The following RFTN1 variants were observed in gnomAD, a reference collection of about 807,000 sequenced individuals.
RFTN1 encodes the protein raftlin.
A neutral mutation model predicts 46.5 loss-of-function variants in RFTN1; 26 were observed. The observed-to-expected ratio is 0.56, with a 90% confidence interval of 0.41 to 0.78. RFTN1 has a LOEUF of 0.78. Ranked by LOEUF, RFTN1 falls within the 30% of genes least tolerant of loss-of-function variation. RFTN1 has a pLI of 0.00. For synonymous variants in RFTN1, 261 were observed against 284.2 expected (o/e 0.92, Z 0.82); for missense variants, 693 against 718.7 (o/e 0.96, Z 0.41).
At position 16,320,317 on chromosome 3, in the gene RFTN1, A is replaced by G. The variant is rs1227880057; in HGVS notation, c.1332+3059T>C. On this transcript the variant is annotated intron_variant, in intron 9 of 9. Coordinates refer to ENST00000334133, the MANE Select transcript of RFTN1 (RefSeq NM_015150.2). The surrounding 1 kb of genome is among the most constrained non-coding windows in gnomAD (Gnocchi z 4.5). ...AAGTCCTGATTAGAAAAATCTATCCATGTTGCTGATTAAAAGAAGACTAAA... is the reference window on the plus strand; with the variant it reads ...AAGTCCTGATTAGAAAAATCTATCCGTGTTGCTGATTAAAAGAAGACTAAA... Among the ~76,000 whole-genome samples the G allele has an allele frequency of 6.6e-6, 1 of 152,194 alleles. No individual in the cohort carries two copies. Among genetic ancestry groups the G allele is most frequent in the East Asian group, 1.9e-4 (1 of 5,198 alleles).
rs781778331 is a variant in RFTN1, at chr3:16,433,942, C to T, written c.241G>A (p.Ala81Thr). The change falls in exon 3 of 10, where the codon GCC becomes ACC. Residue 81 changes from alanine (A) to threonine (T), a missense_variant. Physicochemically the swap from Ala to Thr is moderately conservative, Grantham distance 58. Transcript: ENST00000334133. This position sits in a 1 kb window ranked among gnomAD's most constrained non-coding sequence, Gnocchi z 4.4. ...GTGGGCTGCACGAAGGGGTGCAGGGCCGCCAGCGAGAAGCCCTGCTGGTAC... is the reference window on the plus strand; with the variant it reads ...GTGGGCTGCACGAAGGGGTGCAGGGTCGCCAGCGAGAAGCCCTGCTGGTAC... Reference protein sequence around the residue: ...ELYQQGFSLAALHPFVQPTHE... With the variant: ...ELYQQGFSLATLHPFVQPTHE... 4.3e-6 allele frequency: 7 copies of T among 1,614,030 alleles called. No homozygotes were observed. The highest frequency in any genetic ancestry group is 1.6e-4 in the Middle Eastern group (1 of 6,064).
At chr3:16,397,314 T>A (rs56193938) in intron 4 of RFTN1, among the ~76,000 whole-genome samples, 2,635 of 152,114 alleles carry the variant, frequency 0.017, 91 homozygotes, top group African/African-American at 0.06. Flanking sequence ...ATCAAATACA[T>A]AGAAACAATA....
At chr3:16,399,509 T>C (rs1256210699) in intron 4 of RFTN1, among the ~76,000 whole-genome samples, 1 of 152,176 alleles carries the variant, frequency 6.6e-6, no homozygotes. Flanking sequence ...ATCGCTGAAA[T>C]GCCCTCTTCC....
In RFTN1 at chr3:16,338,903, CGTT is replaced by C. The variant is rs1419181519; in HGVS notation, c.1147-12030_1147-12028del. The stretch of plus-strand genomic sequence containing the variant: ...GAATTCTAGAACCCAAAACTGTCAA[CGTT>C]GTCCCCTCCACCTGTCAGCAGTGGA... On this transcript the variant is annotated intron_variant, in intron 7 of 9. Coordinates refer to ENST00000334133, the MANE Select transcript of RFTN1 (RefSeq NM_015150.2). This position sits in a 1 kb window ranked among gnomAD's most constrained non-coding sequence, Gnocchi z 5.3. 6.6e-6 allele frequency among the ~76,000 whole-genome samples: 1 copy of C among 152,200 alleles called. No individual in the cohort carries two copies. Among genetic ancestry groups the C allele is most frequent in the Non-Finnish European group, 1.5e-5 (1 of 68,034 alleles).
chr3:16,489,441 G>A lies in RFTN1; in HGVS notation c.145+4284C>T, dbSNP rs544663302. On this transcript the variant is annotated intron_variant, in intron 2 of 9. Coordinates refer to ENST00000334133, the MANE Select transcript of RFTN1 (RefSeq NM_015150.2). The surrounding 1 kb of genome is among the most constrained non-coding windows in gnomAD (Gnocchi z 4.0). ...TCAAAAAAAAATCAGTGATGGAGAG[G>A]AGATTAGTGGTTGTCTGGGGTTGGA... Among the ~76,000 whole-genome samples the A allele has an allele frequency of 3.9e-5, 6 of 152,104 alleles. 1 individual carries two copies. The South Asian group carries it at 1.0e-3, about 26-fold the overall frequency.
Position 16,499,620 on chromosome 3 carries a change from CTGT to C in RFTN1, c.-8-5746_-8-5744del, listed in dbSNP as rs1485305498. ...GCAGATTCCTGAGCAAAATAAGCTA[CTGT>C]TGTTGTTTTAAGCTTCTAAGTTTTG... is the stretch of plus-strand genomic sequence containing the variant. On this transcript the variant is annotated intron_variant, in intron 1 of 9. Coordinates refer to ENST00000334133, the MANE Select transcript of RFTN1 (RefSeq NM_015150.2). This position sits in a 1 kb window ranked among gnomAD's most constrained non-coding sequence, Gnocchi z 4.9. Among the ~76,000 whole-genome samples, 1 of 152,238 alleles carries C rather than the reference CTGT, an allele frequency of 6.6e-6. No homozygotes were observed. Among genetic ancestry groups the C allele is most frequent in the Non-Finnish European group, 1.5e-5 (1 of 68,042 alleles).
intron 1 of RFTN1, among the ~76,000 whole-genome samples, chr3:16,505,569 T>C (rs900100209): frequency 1.3e-5 from 2 of 152,216 alleles, no homozygotes; most frequent in African/African-American, 2.4e-5. Flanking sequence ...ACCCAGAGAA[T>C]AGTTGATGTT....
At position 16,316,975 on chromosome 3, in the gene RFTN1, AC is replaced by A. The variant is rs1469453356; in HGVS notation, c.1589del (p.Gly530ValfsTer60). 6.2e-7 allele frequency: 1 copy of A among 1,612,964 alleles called. No individual in the cohort carries two copies. Among genetic ancestry groups the A allele is most frequent in the South Asian group, 1.1e-5 (1 of 91,022 alleles). On this transcript the variant is annotated frameshift_variant, in exon 10 of 10. Transcript: ENST00000334133. LOFTEE classifies it low-confidence loss of function (END_TRUNC). The surrounding 1 kb of genome is among the most constrained non-coding windows in gnomAD (Gnocchi z 4.5). ...LSPGGLLCGV[G>X]VEGEAVQNGP... ...CATTCTGCACAGCCTCACCCTCCAC[AC>A]CCACCCCACACAGCAGGCCACCAGG...
rs1407324910 is a variant in RFTN1, at chr3:16,321,534, G to A, written c.1332+1842C>T. On this transcript the variant is annotated intron_variant, in intron 9 of 9. Transcript: ENST00000334133. The surrounding 1 kb of genome is among the most constrained non-coding windows in gnomAD (Gnocchi z 4.8). ...GACGCTGACCCTTGTCAGCTGAGGA[G>A]TGAGGAGGGGACACCCAGTGCAGAA... Among the ~76,000 whole-genome samples the A allele has an allele frequency of 6.6e-6, 1 of 152,174 alleles. No homozygotes were observed. Among genetic ancestry groups the A allele is most frequent in the Non-Finnish European group, 1.5e-5 (1 of 68,018 alleles).
intron 3 of RFTN1, among the ~76,000 whole-genome samples, chr3:16,414,654 A>G (rs1035914555): frequency 9.9e-5 from 15 of 152,018 alleles, no homozygotes; most frequent in Non-Finnish European, 2.1e-4. Context: ...GCAGCAGGGT[A>G]AGGTGAATGG....
Position 16,410,320 on chromosome 3 carries a change from G to T in RFTN1, c.333-837C>A, listed in dbSNP as rs2074959432. Reference sequence around the variant, plus strand: ...TTATATCCGCCAGGGCACAGAAAAAGAACAAGCAAGACATACACCAAACCA... The same window carrying T: ...TTATATCCGCCAGGGCACAGAAAAATAACAAGCAAGACATACACCAAACCA... On this transcript the variant is annotated intron_variant, in intron 3 of 9. Transcript: ENST00000334133. The surrounding 1 kb of genome is among the most constrained non-coding windows in gnomAD (Gnocchi z 4.6). Among the ~76,000 whole-genome samples, 1 of 150,852 alleles carries T rather than the reference G, an allele frequency of 6.6e-6. No homozygotes were observed. The highest frequency in any genetic ancestry group is 2.4e-5 in the African/African-American group (1 of 40,822).
Position 16,353,962 on chromosome 3 carries a change from T to C in RFTN1, c.1146+3970A>G, listed in dbSNP as rs1030106765. 1.3e-5 allele frequency among the ~76,000 whole-genome samples: 2 copies of C among 152,228 alleles called. No homozygotes were observed. The highest frequency in any genetic ancestry group is 1.3e-4 in the Admixed American group (2 of 15,276). On this transcript the variant is annotated intron_variant, in intron 7 of 9. Coordinates refer to ENST00000334133, the MANE Select transcript of RFTN1 (RefSeq NM_015150.2). The surrounding 1 kb of genome is among the most constrained non-coding windows in gnomAD (Gnocchi z 5.4). ...ATGGCAGCCCAAGCAGACTAAGACA[T>C]CCATTGAATAGGAAATAGGGGTAGA... is the stretch of plus-strand genomic sequence containing the variant.
intron 4 of RFTN1, among the ~76,000 whole-genome samples, chr3:16,399,106 G>C (rs2074541971): frequency 6.6e-6 from 1 of 152,024 alleles, no homozygotes; most frequent in Admixed American, 6.5e-5. Context: ...TATGATATGT[G>C]CTCCAAATGC....
chr3:16,475,087 A>G lies in RFTN1; in HGVS notation c.145+18638T>C, dbSNP rs1475744371. Among the ~76,000 whole-genome samples, 3 of 152,264 alleles carry G rather than the reference A, an allele frequency of 2.0e-5. No homozygotes were observed. The East Asian group carries it at 5.8e-4, about 29-fold the overall frequency. ...GTTCACGTGAGAACTGGTTGTTTAA[A>G]AGAGCATGGCACCTCCTCGTCTCTT... On this transcript the variant is annotated intron_variant, in intron 2 of 9. Coordinates refer to ENST00000334133, the MANE Select transcript of RFTN1 (RefSeq NM_015150.2). This position sits in a 1 kb window ranked among gnomAD's most constrained non-coding sequence, Gnocchi z 4.2.
At position 16,400,864 on chromosome 3, in the gene RFTN1, A is replaced by AG. The variant is rs562534453; in HGVS notation, c.441+8510dup. The stretch of plus-strand genomic sequence containing the variant: ...TAGCTCCTGCATTTTTTCCTCCATT[A>AG]GGAACATCTAAGCCTGTAACCTTCC... On this transcript the variant is annotated intron_variant, in intron 4 of 9. Coordinates refer to ENST00000334133, the MANE Select transcript of RFTN1 (RefSeq NM_015150.2). The surrounding 1 kb of genome is among the most constrained non-coding windows in gnomAD (Gnocchi z 4.5). Among the ~76,000 whole-genome samples the AG allele has an allele frequency of 4.7e-3, 718 of 152,152 alleles. 10 individuals are homozygous for AG. The highest frequency in any genetic ancestry group is 5.7e-3 in the Admixed American group (87 of 15,298).
chr3:16,386,631 C>A (rs1006989432), intron 4 of RFTN1, among the ~76,000 whole-genome samples: 3 of 152,228 alleles, frequency 2.0e-5, no homozygotes, highest in Non-Finnish European at 4.4e-5. Context: ...AGTCTTGCAT[C>A]TTTAGAGTCT....
intron 3 of RFTN1, among the ~76,000 whole-genome samples, chr3:16,411,981 A>G (rs1055712201): frequency 2.0e-5 from 3 of 152,236 alleles, no homozygotes; most frequent in African/African-American, 7.2e-5. Flanking sequence ...AATCTTTAGC[A>G]TAGAATCTAA....
chr3:16,416,614 G>C (rs1382963402), intron 3 of RFTN1, among the ~76,000 whole-genome samples: 1 of 152,144 alleles, frequency 6.6e-6, no homozygotes, highest in East Asian at 1.9e-4. Flanking sequence ...GTTATTCCTA[G>C]GCAGGGTATG....
rs532292741 is a variant in RFTN1 at position 16,380,305 on chromosome 3, C to G, written c.442-2203G>C. On this transcript the variant is annotated intron_variant, in intron 4 of 9. Transcript: ENST00000334133. This position sits in a 1 kb window ranked among gnomAD's most constrained non-coding sequence, Gnocchi z 4.8. ...GTTTAGACATTACATATGGCAAGTG[C>G]GCCAAAGGATGGGGCACAAAGACGG... is the stretch of plus-strand genomic sequence containing the variant. Among the ~76,000 whole-genome samples the G allele has an allele frequency of 5.3e-5, 8 of 152,306 alleles. No individual in the cohort carries two copies. The East Asian group carries it at 1.5e-3, about 29-fold the overall frequency.
Sources: allele counts gnomAD v4.1 joint callset (sites outside exome capture counted in the v4.1 genomes callset), GRCh38; gene constraint gnomAD v4.1.1; non-coding constraint Gnocchi (gnomAD v3.1); transcripts MANE v1.5; gene names NCBI Gene and HGNC (gene_info 2026-07-23, HGNC 2026-07-21).